ULK4: variants seen among roughly 807,000 people sequenced by gnomAD.
The protein encoded by ULK4 is inactive serine/threonine-protein kinase ULK4.
A neutral mutation model predicts 160.6 loss-of-function variants in ULK4; 133 were observed. That is an observed-to-expected ratio of 0.83 (90% CI 0.72 to 0.96). The LOEUF (loss-of-function observed/expected upper bound fraction) is 0.96, where lower values mean the gene tolerates loss of function less well. Ranked by LOEUF, ULK4 falls within the 40% of genes least tolerant of loss-of-function variation. ULK4 has a pLI of 0.00. For synonymous variants in ULK4, 534 were observed against 539.8 expected, an observed-to-expected ratio of 0.99 and a Z score of 0.15; for missense variants, 1,580 against 1,499.5, an observed-to-expected ratio of 1.05 and a Z score of -0.89.
chr3:41,611,058 T>C (rs2032651411), intron 31 of ULK4, among the ~76,000 whole-genome samples: 5 of 152,228 alleles, frequency 3.3e-5, no homozygotes, highest in Admixed American at 3.3e-4. Context: ...TCCTCCATCC[T>C]GTGCATCCAG....
intron 18 of ULK4, among the ~76,000 whole-genome samples, chr3:41,824,163 T>TTTAAAAAAA (rs555935496): frequency 5.9e-5 from 7 of 117,800 alleles, no homozygotes; most frequent in Non-Finnish European, 6.9e-5. Context: ...ACTCTATCTT[T>TTTAAAAAAA]AAAAAAAAAA....
chr3:41,525,315 C>A (rs1360838793), intron 32 of ULK4, among the ~76,000 whole-genome samples: 3 of 152,162 alleles, frequency 2.0e-5, no homozygotes, highest in Non-Finnish European at 4.4e-5. Flanking sequence ...CCTAAAGAGT[C>A]TAAAACAAGT....
At chr3:41,431,045 A>C (rs1356199956) in intron 34 of ULK4, among the ~76,000 whole-genome samples, 1 of 152,202 alleles carries the variant, frequency 6.6e-6, no homozygotes, top group Non-Finnish European at 1.5e-5. Flanking sequence ...ACGTTATCGT[A>C]CTACTGAGTA....
At chr3:41,585,429 T>C (rs528302707) in intron 31 of ULK4, among the ~76,000 whole-genome samples, 23 of 152,288 alleles carry the variant, frequency 1.5e-4, no homozygotes, top group African/African-American at 5.3e-4. Flanking sequence ...GAGATACTCT[T>C]TTCAACAAAT....
chr3:41,869,110 A>C (rs1697002722), intron 17 of ULK4: 1 of 151,950 alleles, frequency 6.6e-6, no homozygotes, highest in Non-Finnish European at 1.5e-5. Context: ...ATTCCTTTTT[A>C]TCTCTTCTAT....
In ULK4 at chr3:41,926,781, G is replaced by A. The variant is rs188335786; in HGVS notation, c.541+5063C>T. On this transcript the variant is annotated intron_variant, in intron 5 of 36. Coordinates refer to ENST00000301831, the MANE Select transcript of ULK4 (RefSeq NM_017886.4). Reference sequence around the variant, plus strand: ...GAAGATCAACTTAATGAAATAAAGCGAAAAGACAAGGTTAGAGAAAAAAAG... The same window carrying A: ...GAAGATCAACTTAATGAAATAAAGCAAAAAGACAAGGTTAGAGAAAAAAAG... Among the ~76,000 whole-genome samples, 165 of 149,660 alleles carry A rather than the reference G, an allele frequency of 1.1e-3. 1 individual carries two copies. In the Middle Eastern group the frequency reaches 0.014, roughly 12 times the overall value.
chr3:41,540,808 T>C (rs2086669453), intron 32 of ULK4, among the ~76,000 whole-genome samples: 1 of 152,226 alleles, frequency 6.6e-6, no homozygotes, highest in African/African-American at 2.4e-5. Context: ...TTTTTTCATA[T>C]GTTTGTTGGC....
At chr3:41,501,354 C>T (rs1422338889) in intron 32 of ULK4, among the ~76,000 whole-genome samples, 4 of 152,056 alleles carry the variant, frequency 2.6e-5, no homozygotes, top group Non-Finnish European at 5.9e-5. Flanking sequence ...ACAAATTAGC[C>T]AGGCATGGTG....
chr3:41,658,739 A>ACACACACACACACTGT (rs773048998), intron 30 of ULK4, among the ~76,000 whole-genome samples: 1 of 151,782 alleles, frequency 6.6e-6, no homozygotes, highest in African/African-American at 2.4e-5. Flanking sequence ...ACACACACAC[A>ACACACACACACACTGT]CACACACACA....
chr3:41,255,915 ATTC>A lies in ULK4; in HGVS notation c.3679-6344_3679-6342del, dbSNP rs897176846. Among the ~76,000 whole-genome samples, 6 of 152,344 alleles carry A rather than the reference ATTC, an allele frequency of 3.9e-5. No individual in the cohort carries two copies. The South Asian group carries it at 8.3e-4, about 21-fold the overall frequency. ...ATCATCTAAAAACTGCAGAATATAT[ATTC>A]TTTTCAAGTGCATATGGAAAATTTC... On this transcript the variant is annotated intron_variant, in intron 35 of 36. Coordinates refer to ENST00000301831, the MANE Select transcript of ULK4 (RefSeq NM_017886.4).
At chr3:41,709,379 A>C (rs1575593100) in intron 25 of ULK4, among the ~76,000 whole-genome samples, 1 of 151,956 alleles carries the variant, frequency 6.6e-6, no homozygotes, top group East Asian at 1.9e-4. Flanking sequence ...TTTAAAATGG[A>C]GTTTGTTTGG....
At chr3:41,768,502 C>G (rs1286789868) in intron 21 of ULK4, among the ~76,000 whole-genome samples, 3 of 152,086 alleles carry the variant, frequency 2.0e-5, no homozygotes, top group African/African-American at 7.2e-5. Flanking sequence ...GGAACTCTGC[C>G]ACCATGCTGT....
chr3:41,765,877 A>T (rs2125912861), intron 21 of ULK4, among the ~76,000 whole-genome samples: 1 of 152,356 alleles, frequency 6.6e-6, no homozygotes, highest in African/African-American at 2.4e-5. Flanking sequence ...AAATGATATG[A>T]ACAAGAAACA....
chr3:41,638,686 T>G (rs758926268), intron 30 of ULK4, among the ~76,000 whole-genome samples: 15 of 152,236 alleles, frequency 9.9e-5, no homozygotes, highest in Non-Finnish European at 1.9e-4. Context: ...CACATTTGTA[T>G]AGCAAACACT....
At chr3:41,362,326 T>C (rs929460628) in intron 35 of ULK4, among the ~76,000 whole-genome samples, 3 of 152,130 alleles carry the variant, frequency 2.0e-5, no homozygotes, top group Admixed American at 6.6e-5. Flanking sequence ...ACAGAAAAGG[T>C]AGAATTCATA....
chr3:41,447,592 C>T (rs1366268100), intron 34 of ULK4, among the ~76,000 whole-genome samples: 3 of 152,140 alleles, frequency 2.0e-5, no homozygotes, highest in Non-Finnish European at 2.9e-5. Context: ...AATGTCAGAG[C>T]CCTGGGGACT....
chr3:41,900,200 T>C (rs1323884411), intron 13 of ULK4, among the ~76,000 whole-genome samples: 1 of 151,080 alleles, frequency 6.6e-6, no homozygotes. Context: ...CATTGTGAAC[T>C]ACAACTTCGC....
intron 32 of ULK4, among the ~76,000 whole-genome samples, chr3:41,514,079 T>C (rs2085673193): frequency 6.6e-6 from 1 of 152,174 alleles, no homozygotes; most frequent in Non-Finnish European, 1.5e-5. Context: ...TGTAAATTTA[T>C]CCTGAACTAG....
intron 32 of ULK4, among the ~76,000 whole-genome samples, chr3:41,466,744 TTC>T (rs1399241922): frequency 2.7e-5 from 4 of 150,908 alleles, no homozygotes; most frequent in East Asian, 3.8e-4. Context: ...AAAAATATTC[TTC>T]TCTTTTTCTA....
Sources: gnomAD v4.1 joint callset for allele counts (sites outside exome capture counted in the v4.1 genomes callset) on GRCh38, gnomAD v4.1.1 for gene constraint, MANE v1.5 for transcripts, NCBI Gene and HGNC (gene_info 2026-07-23, HGNC 2026-07-21) for gene names.